Variants in CCR9 observed in about 807,000 individuals in gnomAD.
CCR9 encodes the protein C-C motif chemokine receptor 9, also known as C-C chemokine receptor type 9.
A neutral mutation model predicts 8.7 loss-of-function variants in CCR9; 4 were observed. That is an observed-to-expected ratio of 0.46 (90% CI 0.23 to 1.06). The LOEUF (loss-of-function observed/expected upper bound fraction) is 1.06, where lower values mean the gene tolerates loss of function less well. CCR9 is among the 50% of genes least tolerant of loss of function. The pLI is 0.21. For missense variants in CCR9, 394 were observed against 453.6 expected, an observed-to-expected ratio of 0.87 and a Z score of 1.19; for synonymous variants, 159 against 168.8, an observed-to-expected ratio of 0.94 and a Z score of 0.45.
rs142295091 is a variant in CCR9 at position 45,892,669 on chromosome 3, G to C, written c.-28-2237G>C. ...TCTATACACCAAGCCCCCATGACGC[G>C]CAATTTACCTATATGACAAACCTGC... is the stretch of plus-strand genomic sequence containing the variant. On this transcript the variant is annotated intron_variant, in intron 1 of 2. Coordinates refer to ENST00000357632, the MANE Select transcript of CCR9 (RefSeq NM_031200.3). 3.9e-5 allele frequency among the ~76,000 whole-genome samples: 6 copies of C among 152,078 alleles called. 1 individual carries two copies. The South Asian group carries it at 1.2e-3, about 32-fold the overall frequency.
intron 2 of CCR9, chr3:45,897,493 C>T (rs1702395135): frequency 2.1e-6 from 2 of 936,932 alleles, no homozygotes; most frequent in South Asian, 1.4e-5. Context: ...GCTCACCGGG[C>T]AGTGGAGAAA....
intron 2 of CCR9, chr3:45,895,224 A>G: frequency 1.9e-6 from 1 of 528,164 alleles, no homozygotes; most frequent in Non-Finnish European, 3.4e-6. Context: ...ACCATCTTTA[A>G]CTAGGGTGTG....
At chr3:45,889,432 C>T (rs1702079512) in intron 1 of CCR9, among the ~76,000 whole-genome samples, 1 of 152,116 alleles carries the variant, frequency 6.6e-6, no homozygotes. Flanking sequence ...ACAAGTTCCT[C>T]CTCTAGATGA....
At chr3:45,897,151 G>A (rs1702381875) in intron 2 of CCR9, among the ~76,000 whole-genome samples, 1 of 152,166 alleles carries the variant, frequency 6.6e-6, no homozygotes, top group African/African-American at 2.4e-5. Context: ...ACTGAGGTTT[G>A]TTTACATTTA....
At chr3:45,888,689 T>C (rs1045441961) in intron 1 of CCR9, among the ~76,000 whole-genome samples, 31 of 152,064 alleles carry the variant, frequency 2.0e-4, no homozygotes, top group Non-Finnish European at 5.9e-5. Flanking sequence ...ATATGTGGGA[T>C]TTTCCCCCCT....
At chr3:45,890,277 T>TATATTTATATAAATATATATATATAAC (rs1702114711) in intron 1 of CCR9, among the ~76,000 whole-genome samples, 1 of 69,382 alleles carries the variant, frequency 1.4e-5, no homozygotes, top group African/African-American at 5.2e-5. Flanking sequence ...ATAACATATA[T>TATATTTATATAAATATATATATATAAC]ATATATTTAT....
At chr3:45,886,294 C>G (rs547811136), upstream of CCR9, among the ~76,000 whole-genome samples, 11 of 152,244 alleles carry the variant, frequency 7.2e-5, no homozygotes, top group Non-Finnish European at 1.5e-5. Flanking sequence ...TCCCTGTAAG[C>G]AGCTGTGCTG....
intron 1 of CCR9, among the ~76,000 whole-genome samples, chr3:45,891,444 T>C (rs756266959): frequency 6.6e-6 from 1 of 152,200 alleles, no homozygotes; most frequent in African/African-American, 2.4e-5. Flanking sequence ...TCTCTCTATA[T>C]ACATATGTTT....
chr3:45,897,627 C>G, intron 2 of CCR9: 1 of 1,534,352 alleles, frequency 6.5e-7, no homozygotes, highest in Non-Finnish European at 8.7e-7. Flanking sequence ...CTTCCAGGAC[C>G]TTAGCCCAGG....
intron 1 of CCR9, among the ~76,000 whole-genome samples, chr3:45,888,043 C>T (rs984230824): frequency 3.3e-5 from 5 of 152,188 alleles, no homozygotes; most frequent in African/African-American, 1.2e-4. Context: ...ACAATAACCC[C>T]ATGCTGATTT....
intron 1 of CCR9, 53 bp from the exon 2 acceptor site, chr3:45,894,853 G>A: frequency 7.8e-7 from 1 of 1,287,098 alleles, no homozygotes; most frequent in Admixed American, 1.7e-5. Flanking sequence ...GCATTTGGTT[G>A]TTACTATTCG....
At position 45,900,507 on chromosome 3, in the gene CCR9, T is replaced by G. The variant is rs1702516561; in HGVS notation, c.22-303T>G. 6.6e-6 allele frequency among the ~76,000 whole-genome samples: 1 copy of G among 152,166 alleles called. No individual in the cohort carries two copies. The highest frequency in any genetic ancestry group is 2.1e-4 in the South Asian group (1 of 4,818). ...TGGCATGCACACTATAAATGTTCAT[T>G]TGCGTGTCTGGTTGCTCTATGGGTA... On this transcript the variant is annotated intron_variant, in intron 2 of 2. Coordinates refer to ENST00000357632, the MANE Select transcript of CCR9 (RefSeq NM_031200.3). The surrounding 1 kb of genome is among the most constrained non-coding windows in gnomAD (Gnocchi z 4.7).
rs1292859132 is a variant in CCR9, at chr3:45,901,865, G to T, written c.1077G>T (p.Leu359Phe). Reference sequence around the variant, plus strand: ...GAAGCTTGAAGCTGTCGTCTATGTTGCTGGAGACAACCTCAGGAGCACTCT... The same window carrying T: ...GAAGCTTGAAGCTGTCGTCTATGTTTCTGGAGACAACCTCAGGAGCACTCT... ...REGSLKLSSM[L>F]LETTSGALSL is the part of the protein sequence containing the mutation. Residue 359 changes from leucine to phenylalanine, a missense_variant, in exon 3 of 3, where the codon TTG becomes TTT. Coordinates refer to ENST00000357632, the MANE Select transcript of CCR9 (RefSeq NM_031200.3). This position sits in a 1 kb window ranked among gnomAD's most constrained non-coding sequence, Gnocchi z 4.3. The T allele has an allele frequency of 6.2e-7, 1 of 1,608,224 alleles. No homozygotes were observed. Among genetic ancestry groups the T allele is most frequent in the African/African-American group, 1.3e-5 (1 of 74,754 alleles).
At chr3:45,887,790 G>A (rs928736062) in intron 1 of CCR9, among the ~76,000 whole-genome samples, 10 of 152,234 alleles carry the variant, frequency 6.6e-5, no homozygotes, top group East Asian at 1.9e-4. Flanking sequence ...CCTGCTGGGC[G>A]GTTGGCAGGC....
At chr3:45,888,818 C>T (rs1702060065) in intron 1 of CCR9, among the ~76,000 whole-genome samples, 1 of 150,988 alleles carries the variant, frequency 6.6e-6, no homozygotes, top group South Asian at 2.1e-4. Context: ...AAATAGATGG[C>T]AAGGCTGTCT....
chr3:45,903,009 T>G lies in CCR9; in HGVS notation c.*1111T>G, dbSNP rs1702605637. The G allele has an allele frequency of 6.0e-6, 1 of 167,124 alleles. No homozygotes were observed. Among genetic ancestry groups the G allele is most frequent in the Non-Finnish European group, 1.5e-5 (1 of 68,126 alleles). 10.4% of individuals were successfully genotyped at this position (167,124 alleles called of 1,614,324 possible). A position where few individuals can be genotyped will look rare whatever the true frequency, so the allele number is the denominator to read the frequency against. ...AGTAATGGAATTCACCTTTGCATCT[T>G]TTGTGTCTTTCTTATCATGATTTGG... On this transcript the variant is annotated 3_prime_UTR_variant, in exon 3 of 3. Transcript: ENST00000357632.
intron 1 of CCR9, among the ~76,000 whole-genome samples, chr3:45,888,258 T>C (rs1293815088): frequency 6.6e-6 from 1 of 152,290 alleles, no homozygotes; most frequent in African/African-American, 2.4e-5. Context: ...CCTGGAGCAA[T>C]GTTCCCTCCC....
chr3:45,887,989 G>A (rs901383470), intron 1 of CCR9, among the ~76,000 whole-genome samples: 3 of 152,260 alleles, frequency 2.0e-5, no homozygotes, highest in African/African-American at 7.2e-5. Context: ...TGATGTTAGT[G>A]CTGTAAGCAT....
Position 45,902,064 on chromosome 3 carries a change from C to A in CCR9, c.*166C>A. ...TCAGAATTTGCCAAAGCAAATATTT[C>A]AAAATCAACTGACTAGTGCAGGAGG... On this transcript the variant is annotated 3_prime_UTR_variant, in exon 3 of 3. Transcript: ENST00000357632. 1.6e-6 allele frequency: 1 copy of A among 634,172 alleles called. No individual in the cohort carries two copies. The highest frequency in any genetic ancestry group is 2.7e-6 in the Non-Finnish European group (1 of 368,642). The allele number at this position is 634,172 out of a possible 1,614,324, so 39.3% of individuals were successfully genotyped here.
Sources: allele counts gnomAD v4.1 joint callset (sites outside exome capture counted in the v4.1 genomes callset), GRCh38; gene constraint gnomAD v4.1.1; non-coding constraint Gnocchi (gnomAD v3.1); transcripts MANE v1.5; gene names NCBI Gene and HGNC (gene_info 2026-07-23, HGNC 2026-07-21).